CD9: variants seen among roughly 807,000 people sequenced by gnomAD.
The protein encoded by CD9 is CD9 molecule.
A neutral mutation model predicts 31.4 loss-of-function variants in CD9; 10 were observed. That is an observed-to-expected ratio of 0.32 (90% CI 0.20 to 0.54). CD9 has a LOEUF of 0.54. CD9 is among the 20% of genes least tolerant of loss of function. The pLI, the probability that CD9 is intolerant of heterozygous loss-of-function variation, is 0.94. For missense variants in CD9, 259 were observed against 300.1 expected, an observed-to-expected ratio of 0.86 and a Z score of 1.01; for synonymous variants, 113 against 114.1, an observed-to-expected ratio of 0.99 and a Z score of 0.06.
chr12:6,219,612 A>C (rs1204109644), intron 1 of CD9, among the ~76,000 whole-genome samples: 5 of 151,760 alleles, frequency 3.3e-5, no homozygotes, highest in Admixed American at 3.3e-4. Flanking sequence ...CAGCCTCCCA[A>C]GTAGCTGGTA....
chr12:6,214,088 G>A lies in CD9; in HGVS notation c.67-11338G>A, dbSNP rs185951463. On this transcript the variant is annotated intron_variant, in intron 1 of 7. Transcript: ENST00000009180. The stretch of plus-strand genomic sequence containing the variant: ...ATCGAGAAGAGCATAGCTTTGAGTC[G>A]TCTATGTGGAGCTGGTTCCATCTGA... Among the ~76,000 whole-genome samples, 10 of 152,258 alleles carry A rather than the reference G, an allele frequency of 6.6e-5. No homozygotes were observed. The East Asian group carries it at 7.7e-4, about 12-fold the overall frequency.
intron 2 of CD9, among the ~76,000 whole-genome samples, chr12:6,227,196 AT>A (rs61439467): frequency 2.0e-5 from 3 of 149,266 alleles, no homozygotes; most frequent in Middle Eastern, 6.8e-3. Flanking sequence ...TTTATTTTTT[AT>A]TTTTTTTATT....
rs1350870431 is a variant in CD9 at position 6,221,888 on chromosome 12, A to G, written c.67-3538A>G. The stretch of plus-strand genomic sequence containing the variant: ...CATGCACCTGTAATCCCAGCTACTC[A>G]GGAGGCTGAGGTGGAAGAATGGCTT... On this transcript the variant is annotated intron_variant, in intron 1 of 7. Transcript: ENST00000009180. Among the ~76,000 whole-genome samples, 4 of 151,782 alleles carry G rather than the reference A, an allele frequency of 2.6e-5. No homozygotes were observed. In the East Asian group the frequency reaches 5.8e-4, roughly 22 times the overall value.
chr12:6,235,213 C>A lies in CD9; in HGVS notation c.349-16C>A. On this transcript the variant is annotated splice_polypyrimidine_tract_variant and intron_variant, in intron 4 of 7. Coordinates refer to ENST00000009180, the MANE Select transcript of CD9 (RefSeq NM_001769.4). ...GAAAATGCCGTCTCTGCCCCTCTCT[C>A]GTCTGCCCATTGTAGGTGATTAAGG... is the stretch of plus-strand genomic sequence containing the variant. 2 of 1,559,910 alleles carry A rather than the reference C, an allele frequency of 1.3e-6. No homozygotes were observed. Among genetic ancestry groups the A allele is most frequent in the South Asian group, 2.2e-5 (2 of 89,774 alleles).
At chr12:6,223,694 T>C (rs1178990635) in intron 1 of CD9, among the ~76,000 whole-genome samples, 1 of 151,986 alleles carries the variant, frequency 6.6e-6, no homozygotes, top group Non-Finnish European at 1.5e-5. Flanking sequence ...ATAACTCTTC[T>C]AGCCCAGCAC....
intron 6 of CD9, 43 bp downstream of exon 6, chr12:6,235,608 C>G: frequency 6.4e-7 from 1 of 1,565,696 alleles, no homozygotes; most frequent in Non-Finnish European, 8.7e-7. Flanking sequence ...CCCCATTGCT[C>G]TGGACAAACC....
intron 1 of CD9, among the ~76,000 whole-genome samples, chr12:6,203,953 C>T (rs1011985807): frequency 2.6e-5 from 4 of 152,254 alleles, no homozygotes; most frequent in Admixed American, 1.3e-4. Flanking sequence ...TCTCATGCCT[C>T]GCTCACTGAT....
intron 1 of CD9, among the ~76,000 whole-genome samples, chr12:6,218,253 C>T (rs1009700098): frequency 4.6e-5 from 7 of 151,746 alleles, no homozygotes; most frequent in African/African-American, 1.7e-4. Flanking sequence ...TATGGCCAGT[C>T]AGTACATATT....
intron 2 of CD9, among the ~76,000 whole-genome samples, chr12:6,228,290 G>A (rs189782862): frequency 3.7e-4 from 57 of 152,242 alleles, no homozygotes; most frequent in African/African-American, 9.6e-5. Flanking sequence ...TGATCCGTCC[G>A]CCTCAGCCTC....
chr12:6,208,731 C>A (rs995587281), intron 1 of CD9, among the ~76,000 whole-genome samples: 1 of 151,942 alleles, frequency 6.6e-6, no homozygotes, highest in South Asian at 2.1e-4. Flanking sequence ...GCCACCATGC[C>A]CGGCTAATTT....
intron 4 of CD9, 70 bp downstream of exon 4, chr12:6,233,556 G>A (rs1946478756): frequency 5.9e-6 from 7 of 1,177,888 alleles, no homozygotes; most frequent in South Asian, 2.4e-5. Context: ...CAGGGGGCAA[G>A]TCCTGGCTGG....
At chr12:6,236,775 G>A (rs780509364) in intron 7 of CD9, 1 of 287,140 alleles carries the variant, frequency 3.5e-6, no homozygotes, top group Non-Finnish European at 6.4e-6. Flanking sequence ...ATGAGGGACA[G>A]CCCCAGACGG....
rs1477131138 is a variant in CD9, at chr12:6,232,993, C to T, written c.273+264C>T. On this transcript the variant is annotated intron_variant, in intron 3 of 7. Coordinates refer to ENST00000009180, the MANE Select transcript of CD9 (RefSeq NM_001769.4). This position sits in a 1 kb window ranked among gnomAD's most constrained non-coding sequence, Gnocchi z 4.8. ...TCGAGGACCACGTTTGCTTTTTTTC[C>T]CTGAATCCACAGGTACCTTTGCCTT... 6 of 702,232 alleles carry T rather than the reference C, an allele frequency of 8.5e-6. No homozygotes were observed. The highest frequency in any genetic ancestry group is 1.6e-5 in the Non-Finnish European group (6 of 384,828). 43.5% of individuals were successfully genotyped at this position (702,232 alleles called of 1,614,324 possible). A position where few individuals can be genotyped will look rare whatever the true frequency, so the allele number is the denominator to read the frequency against.
intron 7 of CD9, among the ~76,000 whole-genome samples, chr12:6,237,145 G>A (rs538231820): frequency 6.6e-6 from 1 of 151,912 alleles, no homozygotes; most frequent in African/African-American, 2.4e-5. Flanking sequence ...ATGCCCAGCT[G>A]ATTATTTTTA....
intron 1 of CD9, among the ~76,000 whole-genome samples, chr12:6,214,791 C>T (rs914815859): frequency 6.6e-6 from 1 of 152,204 alleles, no homozygotes; most frequent in African/African-American, 2.4e-5. Context: ...CAGGAGTGCC[C>T]TGCTGCAGGT....
intron 1 of CD9, among the ~76,000 whole-genome samples, chr12:6,209,511 A>C (rs1946169407): frequency 6.6e-6 from 1 of 152,038 alleles, no homozygotes; most frequent in Non-Finnish European, 1.5e-5. Context: ...TCTTTCTCAC[A>C]ATGTGGGACT....
In CD9 at chr12:6,235,305, C is replaced by T. The variant is rs1225877071; in HGVS notation, c.425C>T (p.Thr142Met). The T allele has an allele frequency of 7.4e-6, 12 of 1,614,048 alleles. No homozygotes were observed. The highest frequency in any genetic ancestry group is 1.7e-5 in the Admixed American group (1 of 60,010). The change falls in exon 5 of 8, where the codon ACG becomes ATG. Residue 142 changes from threonine (T) to methionine (M), a missense_variant. Transcript: ENST00000009180. ...LKTKDEPQRE[T>M]LKAIHYALNC... ...ACCAAGGATGAGCCCCAGCGGGAAA[C>T]GCTGAAAGCCATCCACTATGCGGTA...
intron 2 of CD9, among the ~76,000 whole-genome samples, chr12:6,226,610 T>C (rs1946369731): frequency 6.6e-6 from 1 of 152,214 alleles, no homozygotes; most frequent in African/African-American, 2.4e-5. Context: ...ACAGCTCCTT[T>C]GGTTGCGTAA....
At chr12:6,208,298 CCT>C (rs1565419045) in intron 1 of CD9, among the ~76,000 whole-genome samples, 1 of 152,104 alleles carries the variant, frequency 6.6e-6, no homozygotes, top group African/African-American at 2.4e-5. Context: ...TCCAGTGACA[CCT>C]CTGAGCAGGC....
Sources: allele counts gnomAD v4.1 joint callset (sites outside exome capture counted in the v4.1 genomes callset), GRCh38; gene constraint gnomAD v4.1.1; non-coding constraint Gnocchi (gnomAD v3.1); transcripts MANE v1.5; gene names NCBI Gene and HGNC (gene_info 2026-07-23, HGNC 2026-07-21).